Variants in DNAJC13 observed in about 807,000 individuals in gnomAD.
DNAJC13 encodes the protein DnaJ heat shock protein family (Hsp40) member C13.
Under a neutral mutation model 290.5 loss-of-function variants are expected in DNAJC13, and 75 were observed. That is an observed-to-expected ratio of 0.26 (90% CI 0.21 to 0.31). DNAJC13 has a LOEUF of 0.31. Ranked by LOEUF, DNAJC13 falls within the 10% of genes least tolerant of loss-of-function variation. The pLI is 1.00. For synonymous variants in DNAJC13, 862 were observed against 892.0 expected, an observed-to-expected ratio of 0.97 and a Z score of 0.60; for missense variants, 2,260 against 2,674.5, an observed-to-expected ratio of 0.85 and a Z score of 3.42.
Position 132,456,230 on chromosome 3 carries a change from C to T in DNAJC13, c.933-5C>T, listed in dbSNP as rs187038130. ...AAACCTTTTTTTACTTTTAATCTTA[C>T]TTAGAGATTCCTTATTAGCAAGTTT... is the stretch of plus-strand genomic sequence containing the variant. On this transcript the variant is annotated splice_region_variant and splice_polypyrimidine_tract_variant and intron_variant, in intron 9 of 55. Transcript: ENST00000260818. 92 of 1,609,492 alleles carry T rather than the reference C, an allele frequency of 5.7e-5. No individual in the cohort carries two copies. Among genetic ancestry groups the T allele is most frequent in the Non-Finnish European group, 7.6e-5 (89 of 1,178,550 alleles).
chr3:132,516,165 A>G (rs1275939477), intron 46 of DNAJC13, among the ~76,000 whole-genome samples: 1 of 152,176 alleles, frequency 6.6e-6, no homozygotes, highest in East Asian at 1.9e-4. Flanking sequence ...GGTTATGAAT[A>G]TGGACTTTGG....
intron 20 of DNAJC13, chr3:132,472,528 C>A: frequency 1.0e-6 from 1 of 982,566 alleles, no homozygotes; most frequent in East Asian, 1.1e-4. Context: ...TTTTCTTTAA[C>A]TTTTTTTCCT....
intron 43 of DNAJC13, among the ~76,000 whole-genome samples, chr3:132,507,869 C>G (rs1935644985): frequency 1.3e-5 from 2 of 152,264 alleles, no homozygotes; most frequent in South Asian, 2.1e-4. Flanking sequence ...AGGTCTCTCA[C>G]TTTAAATTAA....
In DNAJC13 at chr3:132,453,362, A is replaced by G. The variant is rs1422691894; in HGVS notation, c.602A>G (p.Tyr201Cys). 3.1e-6 allele frequency: 5 copies of G among 1,613,936 alleles called. No individual in the cohort carries two copies. The highest frequency in any genetic ancestry group is 2.2e-5 in the East Asian group (1 of 44,828). ...IKSAIDHAGN[Y>C]IGISLRIRKE... ...AGTGCAATAGACCATGCTGGTAACT[A>G]CATAGGTATTTCATTGCGGATCAGG... Residue 201 changes from tyrosine (Y) to cysteine (C), a missense_variant, in exon 7 of 56, where the codon TAC (tyrosine) becomes TGC (cysteine). Around this residue, in one of 3 missense-constraint regions of DNAJC13, gnomAD observed 762 missense variants for 964.1 expected, o/e 0.79. Transcript: ENST00000260818.
rs760915797 is a variant in DNAJC13, at chr3:132,502,307, G to A, written c.4555G>A (p.Ala1519Thr). The A allele has an allele frequency of 4.8e-5, 77 of 1,611,754 alleles. No individual in the cohort carries two copies. Among genetic ancestry groups the A allele is most frequent in the Non-Finnish European group, 6.1e-5 (72 of 1,179,446 alleles). ...CTCTCAGAGTATTCCCCGCGTAGCT[G>A]CTCTTGGGGTAGAATGTGTCAGTTC... ...YFGKSIPRVA[A>T]LGVECVSSFA... Residue 1519 changes from alanine (A) to threonine (T), a missense_variant, in exon 40 of 56, where the codon GCT becomes ACT. This residue lies in a region of DNAJC13 where 1,494 missense variants were observed against 1,693.7 expected (regional missense o/e 0.88). Transcript: ENST00000260818.
At chr3:132,513,255 C>T (rs1345142558) in intron 45 of DNAJC13, among the ~76,000 whole-genome samples, 156 bp downstream of exon 45, 1 of 152,180 alleles carries the variant, frequency 6.6e-6, no homozygotes, top group African/African-American at 2.4e-5. Flanking sequence ...TTTGAATTAA[C>T]ATGCTCAATT....
Position 132,503,088 on chromosome 3 carries a change from G to A in DNAJC13, c.4717-126G>A, listed in dbSNP as rs1020281624. ...GTTTACCTCAGTGGTAGGTACTCTT[G>A]TACCCTTTTGTTGGTTGACTTTTTA... On this transcript the variant is annotated intron_variant, in intron 40 of 55. Coordinates refer to ENST00000260818, the MANE Select transcript of DNAJC13 (RefSeq NM_015268.4). 1.1e-5 allele frequency: 11 copies of A among 964,628 alleles called. No individual in the cohort carries two copies. In the African/African-American group the frequency reaches 1.7e-4, roughly 14 times the overall value. The allele number at this position is 964,628 out of a possible 1,614,324, so 59.8% of individuals were successfully genotyped here. A position where few individuals can be genotyped will look rare whatever the true frequency, so the allele number is the denominator to read the frequency against.
intron 45 of DNAJC13, 70 bp from the exon 46 acceptor site, chr3:132,514,501 A>C: frequency 9.2e-7 from 1 of 1,086,484 alleles, no homozygotes; most frequent in East Asian, 2.5e-5. Context: ...TGTACAGTCT[A>C]TATGACCTAA....
intron 22 of DNAJC13, among the ~76,000 whole-genome samples, chr3:132,475,801 C>G (rs1385907516): frequency 6.6e-6 from 1 of 152,164 alleles, no homozygotes; most frequent in Non-Finnish European, 1.5e-5. Flanking sequence ...GTCATCTTTA[C>G]TCATTTTGCT....
In DNAJC13 at chr3:132,493,673, T is replaced by C. The variant is rs188771535; in HGVS notation, c.3826-471T>C. Among the ~76,000 whole-genome samples the C allele has an allele frequency of 1.9e-3, 295 of 152,294 alleles. 3 individuals carry two copies. Among genetic ancestry groups the C allele is most frequent in the African/African-American group, 6.8e-3 (283 of 41,570 alleles). ...TTGTGTTCTATCCGTTACATTTGTT[T>C]GAATGCTAGCATACCCATAATTATG... On this transcript the variant is annotated intron_variant, in intron 33 of 55. Coordinates refer to ENST00000260818, the MANE Select transcript of DNAJC13 (RefSeq NM_015268.4).
chr3:132,537,679 G>C (rs1936638864), intron 55 of DNAJC13, among the ~76,000 whole-genome samples: 1 of 152,260 alleles, frequency 6.6e-6, no homozygotes, highest in East Asian at 1.9e-4. Flanking sequence ...CAGAGTCCTT[G>C]GTTTAGCAAC....
intron 1 of DNAJC13, among the ~76,000 whole-genome samples, chr3:132,426,239 G>A (rs1939085748): frequency 6.6e-6 from 1 of 152,154 alleles, no homozygotes. Context: ...CTTTGGTGGT[G>A]TAATTTAGGA....
At chr3:132,498,692 CT>C (rs995599478) in intron 36 of DNAJC13, among the ~76,000 whole-genome samples, 1 of 150,922 alleles carries the variant, frequency 6.6e-6, no homozygotes, top group African/African-American at 2.4e-5. Flanking sequence ...AATATTTTAT[CT>C]TTTTTTTTAC....
chr3:132,522,137 T>C (rs192390437), intron 48 of DNAJC13, among the ~76,000 whole-genome samples: 2 of 152,314 alleles, frequency 1.3e-5, no homozygotes, highest in South Asian at 2.1e-4. Context: ...GTAAGAAAGA[T>C]TGGGCCTAGA....
chr3:132,484,275 C>T (rs1442821178), intron 28 of DNAJC13: 1 of 403,366 alleles, frequency 2.5e-6, no homozygotes, highest in Non-Finnish European at 4.7e-6. Flanking sequence ...TTGATAAGCC[C>T]TTTGGGGGAA....
chr3:132,457,279 C>T lies in DNAJC13; in HGVS notation c.1360C>T (p.Arg454Cys), dbSNP rs752144375. ...TTTTTGTTCCAAAAGGTTTCGCGAG[C>T]GTCTAGGGGTGAAGGTAGTAAAAGC... Reference protein sequence around the residue: ...AFTQLPKFRERLGVKVVKALK... With the variant: ...AFTQLPKFRECLGVKVVKALK... Residue 454 changes from arginine to cysteine, a missense_variant, in exon 13 of 56, where the codon CGT (arginine) becomes TGT (cysteine). Physicochemically the swap from Arg to Cys is radical, Grantham distance 180. Coordinates refer to ENST00000260818, the MANE Select transcript of DNAJC13 (RefSeq NM_015268.4). 19 of 1,599,568 alleles carry T rather than the reference C, an allele frequency of 1.2e-5. No individual in the cohort carries two copies. In the African/African-American group the frequency reaches 1.6e-4, roughly 14 times the overall value.
intron 20 of DNAJC13, among the ~76,000 whole-genome samples, chr3:132,469,758 T>C (rs1292417933): frequency 2.0e-5 from 3 of 151,952 alleles, no homozygotes; most frequent in Non-Finnish European, 4.4e-5. Context: ...ACTTTTAGGG[T>C]TTATATTTGA....
chr3:132,498,439 A>C (rs561171840), intron 36 of DNAJC13, among the ~76,000 whole-genome samples: 1 of 152,252 alleles, frequency 6.6e-6, no homozygotes, highest in Admixed American at 6.5e-5. Flanking sequence ...CATTTGCTGT[A>C]CCTTGCGTTC....
chr3:132,462,802 G>T (rs1933843304), intron 16 of DNAJC13, among the ~76,000 whole-genome samples: 1 of 152,056 alleles, frequency 6.6e-6, no homozygotes, highest in South Asian at 2.1e-4. Flanking sequence ...TCTATCTGTT[G>T]CTCTTTTTTG....
Sources: gnomAD v4.1 joint callset for allele counts (sites outside exome capture counted in the v4.1 genomes callset) on GRCh38, gnomAD v4.1.1 for gene constraint, gnomAD v4.1.1 regional missense constraint, MANE v1.5 for transcripts, NCBI Gene and HGNC (gene_info 2026-07-23, HGNC 2026-07-21) for gene names.